GINS4: variants seen among roughly 807,000 people sequenced by gnomAD.
GINS4 encodes DNA replication complex GINS protein SLD5.
A neutral mutation model predicts 31.1 loss-of-function variants in GINS4; 20 were observed. The observed-to-expected ratio is 0.64, with a 90% CI of 0.45 to 0.93. The LOEUF (loss-of-function observed/expected upper bound fraction) is 0.93, where lower values mean the gene tolerates loss of function less well. Among genes scored for constraint, GINS4 ranks in the 40% least tolerant of loss-of-function variants. GINS4 has a pLI of 0.00. For missense variants in GINS4, 245 were observed against 273.9 expected (o/e 0.89, Z 0.75); for synonymous variants, 85 against 97.9 (o/e 0.87, Z 0.78).
rs1361669194 is a variant in GINS4, at chr8:41,542,884, A to C, written c.*797A>C. Reference sequence around the variant, plus strand: ...CCGTGTCAGTAGATGGGGCCATTGTACTGTTTGTTCTGCACACTTGGCGGA... The same window carrying C: ...CCGTGTCAGTAGATGGGGCCATTGTCCTGTTTGTTCTGCACACTTGGCGGA... On this transcript the variant is annotated 3_prime_UTR_variant, in exon 8 of 8. Coordinates refer to ENST00000276533, the MANE Select transcript of GINS4 (RefSeq NM_032336.3). 5 of 152,212 alleles carry C rather than the reference A, an allele frequency of 3.3e-5. No individual in the cohort carries two copies. Among genetic ancestry groups the C allele is most frequent in the Admixed American group, 2.0e-4 (3 of 15,280 alleles). The allele number at this position is 152,212 out of a possible 1,614,324, so 9.4% of individuals were successfully genotyped here.
At chr8:41,536,926 C>T (rs1806749383) in intron 3 of GINS4, 2 of 429,312 alleles carry the variant, frequency 4.7e-6, no homozygotes, top group Non-Finnish European at 8.5e-6. Context: ...ATGGAAGTTT[C>T]GTCTGTGTGC....
chr8:41,543,794 C>T lies in GINS4; in HGVS notation c.*1707C>T, dbSNP rs1585626520. ...GAACACGGCTCACTGCAGCCTCCAC[C>T]TCCTGGGTTCAAGAGATTCTCCTGC... On this transcript the variant is annotated 3_prime_UTR_variant, in exon 8 of 8. Transcript: ENST00000276533. 1 of 152,020 alleles carries T rather than the reference C, an allele frequency of 6.6e-6. No homozygotes were observed. Among genetic ancestry groups the T allele is most frequent in the Non-Finnish European group, 1.5e-5 (1 of 68,032 alleles). The allele number at this position is 152,020 out of a possible 1,614,324, so 9.4% of individuals were successfully genotyped here.
chr8:41,537,288 A>C lies in GINS4; in HGVS notation c.292A>C (p.Met98Leu), dbSNP rs745774684. 6.8e-6 allele frequency: 11 copies of C among 1,608,602 alleles called. No homozygotes were observed. The East Asian group carries it at 2.5e-4, about 36-fold the overall frequency. ...CAGCAGCTACTTGCGGTGTCGCCTC[A>C]TGAAGGTTTGACGTGGAGATACCTG... The part of the protein sequence containing the change: ...VLSSYLRCRL[M>L]KIEKFFPHVL... Residue 98 changes from methionine (M) to leucine (L), a missense_variant, in exon 4 of 8, where the codon ATG (methionine) becomes CTG (leucine). Coordinates refer to ENST00000276533, the MANE Select transcript of GINS4 (RefSeq NM_032336.3).
chr8:41,539,585 C>T (rs544557374), intron 4 of GINS4, 93 bp from the exon 5 acceptor site: 14 of 868,746 alleles, frequency 1.6e-5, no homozygotes, highest in Middle Eastern at 2.2e-4. Flanking sequence ...TGTCCTTCCT[C>T]GGGAGGGTTG....
At chr8:41,532,594 G>A (rs1231658995) in intron 2 of GINS4, among the ~76,000 whole-genome samples, 1 of 152,110 alleles carries the variant, frequency 6.6e-6, no homozygotes, top group African/African-American at 2.4e-5. Flanking sequence ...CAGCACTTTG[G>A]GAGACCGAGA....
intron 6 of GINS4, 47 bp downstream of exon 6, chr8:41,540,051 T>G: frequency 7.7e-7 from 1 of 1,293,224 alleles, no homozygotes; most frequent in Non-Finnish European, 1.1e-6. Flanking sequence ...TCCTCAGGTG[T>G]CCCAGGGTAG....
Position 41,541,666 on chromosome 8 carries a change from CTCTG to C in GINS4, c.485-138_485-135del, listed in dbSNP as rs140057505. The C allele has an allele frequency of 3.6e-4, 236 of 651,750 alleles. 1 individual carries two copies. In the East Asian group the frequency reaches 6.3e-3, roughly 18 times the overall value. The allele number at this position is 651,750 out of a possible 1,614,324, so 40.4% of individuals were successfully genotyped here. A position where few individuals can be genotyped will look rare whatever the true frequency, so the allele number is the denominator to read the frequency against. On this transcript the variant is annotated intron_variant, in intron 6 of 7. Coordinates refer to ENST00000276533, the MANE Select transcript of GINS4 (RefSeq NM_032336.3). ...GTCCGGTTTCCTCCCTGGTCAGCCA[CTCTG>C]TCTGCATCTTTGAAGAGTAGGAATG...
Position 41,542,847 on chromosome 8 carries a change from T to G in GINS4, c.*760T>G, listed in dbSNP as rs937568385. On this transcript the variant is annotated 3_prime_UTR_variant, in exon 8 of 8. Transcript: ENST00000276533. ...TGCTTGTGTTGCTGCATGTCCTGTC[T>G]GCTGTTTTAGCCCGTGTCAGTAGAT... 13 of 152,390 alleles carry G rather than the reference T, an allele frequency of 8.5e-5. No individual in the cohort carries two copies. The highest frequency in any genetic ancestry group is 2.9e-4 in the African/African-American group (12 of 41,472). 9.4% of individuals were successfully genotyped at this position (152,390 alleles called of 1,614,324 possible). A position where few individuals can be genotyped will look rare whatever the true frequency, so the allele number is the denominator to read the frequency against.
chr8:41,539,680 A>G lies in GINS4; in HGVS notation c.300A>G (p.Ile100Met), dbSNP rs1806801474. ...AAGATTTTGCTTTATCCTCACAGAT[A>G]GAGAAGTTTTTCCCTCATGTCCTTG... is the stretch of plus-strand genomic sequence containing the variant. ...SSYLRCRLMK[I>M]EKFFPHVLEK... The change falls in exon 5 of 8, where the codon ATA (isoleucine) becomes ATG (methionine). Residue 100 changes from isoleucine (I) to methionine (M), a missense_variant and splice_region_variant. Physicochemically the swap from Ile to Met is conservative, Grantham distance 10. Transcript: ENST00000276533. The G allele has an allele frequency of 1.2e-6, 2 of 1,609,122 alleles. No homozygotes were observed. The highest frequency in any genetic ancestry group is 1.7e-5 in the Admixed American group (1 of 59,864).
In GINS4 at chr8:41,539,795, G is replaced by C. The variant is rs748867438; in HGVS notation, c.395+20G>C. On this transcript the variant is annotated intron_variant, in intron 5 of 7. Coordinates refer to ENST00000276533, the MANE Select transcript of GINS4 (RefSeq NM_032336.3). ...CAGAGAGTGAGTGAGTGAGCCGTTG[G>C]CGTGGGGCACCTGGCTGGTTCAGCA... 1.2e-6 allele frequency: 2 copies of C among 1,607,400 alleles called. No homozygotes were observed. Among genetic ancestry groups the C allele is most frequent in the Non-Finnish European group, 1.7e-6 (2 of 1,173,964 alleles).
At chr8:41,532,277 T>C (rs1806659632) in intron 2 of GINS4, among the ~76,000 whole-genome samples, 2 of 152,114 alleles carry the variant, frequency 1.3e-5, no homozygotes, top group Non-Finnish European at 2.9e-5. Context: ...GGATGACCAA[T>C]AAGCATATGA....
In GINS4 at chr8:41,542,957, G is replaced by A. The variant is rs1360256603; in HGVS notation, c.*870G>A. 6.6e-6 allele frequency: 1 copy of A among 152,256 alleles called. No individual in the cohort carries two copies. The highest frequency in any genetic ancestry group is 2.4e-5 in the African/African-American group (1 of 41,460). The allele number at this position is 152,256 out of a possible 1,614,324, so 9.4% of individuals were successfully genotyped here. A position where few individuals can be genotyped will look rare whatever the true frequency, so the allele number is the denominator to read the frequency against. Reference sequence around the variant, plus strand: ...CTTTTCCCTTTGTAGTATTTTCTGAGCTAAGGAAAGTCAGGCAGAAGTAGT... The same window carrying A: ...CTTTTCCCTTTGTAGTATTTTCTGAACTAAGGAAAGTCAGGCAGAAGTAGT... On this transcript the variant is annotated 3_prime_UTR_variant, in exon 8 of 8. Coordinates refer to ENST00000276533, the MANE Select transcript of GINS4 (RefSeq NM_032336.3).
intron 2 of GINS4, among the ~76,000 whole-genome samples, chr8:41,533,924 C>T (rs1429394502): frequency 6.6e-6 from 1 of 152,066 alleles, no homozygotes; most frequent in Non-Finnish European, 1.5e-5. Flanking sequence ...TAAAATTACC[C>T]CTTATCAGGG....
chr8:41,537,005 ATG>A, intron 3 of GINS4, 173 bp from the exon 4 acceptor site: 1 of 566,838 alleles, frequency 1.8e-6, no homozygotes, highest in Non-Finnish European at 3.2e-6. Context: ...TTCTATTCAA[ATG>A]GTCATTTTCT....
rs896099509 is a variant in GINS4, at chr8:41,536,283, T to C, written c.97-77T>C. On this transcript the variant is annotated intron_variant, in intron 2 of 7. Transcript: ENST00000276533. ...TTGCCTGCGCCATCCCTGGTTTTCG[T>C]TGGACTTGGGCTGACTCACTGGGTT... is the stretch of plus-strand genomic sequence containing the variant. 1.5e-5 allele frequency: 13 copies of C among 873,866 alleles called. No homozygotes were observed. The African/African-American group carries it at 1.6e-4, about 11-fold the overall frequency. 54.1% of individuals were successfully genotyped at this position (873,866 alleles called of 1,614,324 possible). A position where few individuals can be genotyped will look rare whatever the true frequency, so the allele number is the denominator to read the frequency against.
Position 41,530,058 on chromosome 8 carries a change from A to G in GINS4, c.-19-126A>G, listed in dbSNP as rs77698994. ...ACTAGAGTCCCTGCGTTCTCTCACC[A>G]CTTGCTAAAGGGCCTCTACAACCCC... On this transcript the variant is annotated intron_variant, in intron 1 of 7. Coordinates refer to ENST00000276533, the MANE Select transcript of GINS4 (RefSeq NM_032336.3). 2,555 of 603,542 alleles carry G rather than the reference A, an allele frequency of 4.2e-3. 55 individuals are homozygous for G. The East Asian group carries it at 0.043, about 10-fold the overall frequency. 37.4% of individuals were successfully genotyped at this position (603,542 alleles called of 1,614,324 possible).
In GINS4 at chr8:41,542,109, C is replaced by T. The variant is rs1285028658; in HGVS notation, c.*22C>T. ...TTAAAACTAGGCATAAACAGCCAGGCATGGTGACTCAAGCCTGTAATCCCA... is the reference window on the plus strand; with the variant it reads ...TTAAAACTAGGCATAAACAGCCAGGTATGGTGACTCAAGCCTGTAATCCCA... On this transcript the variant is annotated 3_prime_UTR_variant, in exon 8 of 8. Transcript: ENST00000276533. The T allele has an allele frequency of 6.4e-7, 1 of 1,572,292 alleles. No homozygotes were observed. Among genetic ancestry groups the T allele is most frequent in the East Asian group, 2.2e-5 (1 of 44,650 alleles).
At position 41,543,272 on chromosome 8, in the gene GINS4, G is replaced by A. The variant is rs1224421195; in HGVS notation, c.*1185G>A. 1 of 152,186 alleles carries A rather than the reference G, an allele frequency of 6.6e-6. No individual in the cohort carries two copies. The highest frequency in any genetic ancestry group is 1.5e-5 in the Non-Finnish European group (1 of 68,042). The allele number at this position is 152,186 out of a possible 1,614,324, so 9.4% of individuals were successfully genotyped here. On this transcript the variant is annotated 3_prime_UTR_variant, in exon 8 of 8. Transcript: ENST00000276533. The stretch of plus-strand genomic sequence containing the variant: ...AGAAGGCACCTCTGGACGGCTCCCG[G>A]CTTGTAGTTTAATGAAGTATGTGCT...
chr8:41,542,811 C>G lies in GINS4; in HGVS notation c.*724C>G, dbSNP rs1374870869. The stretch of plus-strand genomic sequence containing the variant: ...TGGGTCACGGGCGTGAAGCGGAGCT[C>G]GAGGCAGGATTGCTTGTGTTGCTGC... On this transcript the variant is annotated 3_prime_UTR_variant, in exon 8 of 8. Transcript: ENST00000276533. 3 of 152,428 alleles carry G rather than the reference C, an allele frequency of 2.0e-5. No individual in the cohort carries two copies. Among genetic ancestry groups the G allele is most frequent in the Admixed American group, 6.5e-5 (1 of 15,306 alleles). 9.4% of individuals were successfully genotyped at this position (152,428 alleles called of 1,614,324 possible).
Sources: allele counts gnomAD v4.1 joint callset (sites outside exome capture counted in the v4.1 genomes callset), GRCh38; gene constraint gnomAD v4.1.1; transcripts MANE v1.5; gene names NCBI Gene and HGNC (gene_info 2026-07-23, HGNC 2026-07-21).